Variants in CLUH observed in about 807,000 individuals in gnomAD.
CLUH encodes CLUH binding protein of NUMT mRNA, also known as clustered mitochondria protein homolog.
A neutral mutation model predicts 139.3 loss-of-function variants in CLUH; 77 were observed. That is an observed-to-expected ratio of 0.55 (90% CI 0.46 to 0.67). The LOEUF is 0.67. Among genes scored for constraint, CLUH ranks in the 30% least tolerant of loss-of-function variants. The pLI is 0.00. For synonymous variants in CLUH, 999 were observed against 801.6 expected (o/e 1.25, Z -4.16); for missense variants, 1,876 against 1,875.8 (o/e 1.00, Z 0.00).
intron 10 of CLUH, 111 bp from the exon 11 acceptor site, chr17:2,697,053 T>TC (rs2069976978): frequency 2.5e-6 from 2 of 791,082 alleles, no homozygotes; most frequent in Admixed American, 3.0e-5. Flanking sequence ...ATAGGGCACC[T>TC]CCTGGCCGGT....
At position 2,692,016 on chromosome 17, in the gene CLUH, G is replaced by T; in HGVS notation, c.3642C>A (p.Ile1214=). ...ALQHEKEGYT[I]YKTQLGEDHE... ...CCCCGCCGCGCACCTGCGTCTTGTA[G>T]ATGGTGTAACCCTCCTTCTCGTGCT... is the stretch of plus-strand genomic sequence containing the variant. The change falls in exon 23 of 26, where the codon ATC becomes ATA. Residue 1214 remains isoleucine (I), a synonymous_variant. Transcript: ENST00000651024. The T allele has an allele frequency of 6.4e-7, 1 of 1,560,878 alleles. No homozygotes were observed.
intron 25 of CLUH, 70 bp from the exon 26 acceptor site, chr17:2,690,847 T>C: frequency 7.9e-7 from 1 of 1,260,122 alleles, no homozygotes; most frequent in Non-Finnish European, 1.1e-6. Flanking sequence ...CTCCCGGCTT[T>C]CCTGTGGGAT....
rs772361040 is a variant in CLUH at position 2,707,006 on chromosome 17, G to A, written c.101-2442C>T. ...TCAGGGGGTACCTATTCCCTATCCC[G>A]TTTCAAAGGAATGCAGCTGGCTCCC... On this transcript the variant is annotated intron_variant, in intron 1 of 25. Transcript: ENST00000651024. This position sits in a 1 kb window ranked among gnomAD's most constrained non-coding sequence, Gnocchi z 7.4. Among the ~76,000 whole-genome samples, 6 of 152,258 alleles carry A rather than the reference G, an allele frequency of 3.9e-5. No individual in the cohort carries two copies. The East Asian group carries it at 5.8e-4, about 15-fold the overall frequency.
chr17:2,691,785 G>A lies in CLUH; in HGVS notation c.3765C>T (p.Ser1255=), dbSNP rs754728852. ...RTMNEIYRNG[S]SANIPPLKFT... is the part of the protein sequence containing the mutation. ...CCTTGAGGGGCGGGATGTTGGCGCT[G>A]GAGCCGTTGCGGTAGATCTCGTTCA... Residue 1255 remains serine (S), a synonymous_variant, in exon 24 of 26, where the codon TCC becomes TCT. Transcript: ENST00000651024. 2.5e-6 allele frequency: 4 copies of A among 1,592,198 alleles called. No homozygotes were observed. The highest frequency in any genetic ancestry group is 4.6e-5 in the East Asian group (2 of 43,764).
rs1341014713 is a variant in CLUH at position 2,691,764 on chromosome 17, G to C, written c.3786C>G (p.Leu1262=). The C allele has an allele frequency of 6.3e-7, 1 of 1,596,108 alleles. No individual in the cohort carries two copies. ...RNGSSANIPP[L]KFTAPSMASV... ...GGCCGCTCCGCCCCGGACTCACCTT[G>C]AGGGGCGGGATGTTGGCGCTGGAGC... Residue 1262 remains leucine (L), a synonymous_variant, in exon 24 of 26, where the codon CTC becomes CTG. Transcript: ENST00000651024.
In CLUH at chr17:2,703,517, G is replaced by T; in HGVS notation, c.304-28C>A. On this transcript the variant is annotated intron_variant, in intron 2 of 25. Coordinates refer to ENST00000651024, the MANE Select transcript of CLUH (RefSeq NM_001366661.1). The surrounding 1 kb of genome is among the most constrained non-coding windows in gnomAD (Gnocchi z 4.2). Reference sequence around the variant, plus strand: ...GCAGGGAGAAGGCCCCGCCCACCCCGGTGAGAGAGCACGTAGCGGGGAGAG... The same window carrying T: ...GCAGGGAGAAGGCCCCGCCCACCCCTGTGAGAGAGCACGTAGCGGGGAGAG... The T allele has an allele frequency of 6.2e-7, 1 of 1,605,968 alleles. No homozygotes were observed. The highest frequency in any genetic ancestry group is 8.5e-7 in the Non-Finnish European group (1 of 1,175,146).
rs752468480 is a variant in CLUH at position 2,707,706 on chromosome 17, C to T, written c.101-3142G>A. On this transcript the variant is annotated intron_variant, in intron 1 of 25. Transcript: ENST00000651024. This position sits in a 1 kb window ranked among gnomAD's most constrained non-coding sequence, Gnocchi z 7.4. ...GAACAGGACCGCTTCTGCCAGCTGC[C>T]GCCAACAGCTGGCACAGACCCGGGT... 1.4e-5 allele frequency: 14 copies of T among 985,404 alleles called. No homozygotes were observed. Among genetic ancestry groups the T allele is most frequent in the African/African-American group, 7.0e-5 (4 of 57,348 alleles). The allele number at this position is 985,404 out of a possible 1,614,324, so 61.0% of individuals were successfully genotyped here. A position where few individuals can be genotyped will look rare whatever the true frequency, so the allele number is the denominator to read the frequency against.
At chr17:2,693,577 G>A (rs1449835560) in intron 19 of CLUH, among the ~76,000 whole-genome samples, 1 of 151,406 alleles carries the variant, frequency 6.6e-6, no homozygotes, top group Non-Finnish European at 1.5e-5. Flanking sequence ...GAACCCCACA[G>A]CCTGCACTGG....
chr17:2,699,863 C>T (rs924620746), intron 9 of CLUH, among the ~76,000 whole-genome samples: 1 of 152,194 alleles, frequency 6.6e-6, no homozygotes, highest in South Asian at 2.1e-4. Context: ...AACTCCTGAC[C>T]TTGTGATCCG....
chr17:2,692,550 C>A (rs779053743), intron 21 of CLUH, 21 bp downstream of exon 21: 13 of 1,593,268 alleles, frequency 8.2e-6, no homozygotes, highest in African/African-American at 4.5e-5. Flanking sequence ...GTCCCTGCCG[C>A]CCCCCCGCCC....
intron 9 of CLUH, among the ~76,000 whole-genome samples, chr17:2,699,179 C>T (rs78144142): frequency 9.3e-6 from 1 of 107,042 alleles, no homozygotes; most frequent in African/African-American, 3.8e-5. Context: ...TGAACTTGAA[C>T]AGATAAAGGT....
At chr17:2,708,616 T>A (rs1295147604) in intron 1 of CLUH, among the ~76,000 whole-genome samples, 2 of 147,886 alleles carry the variant, frequency 1.4e-5, no homozygotes, top group Non-Finnish European at 3.0e-5. Flanking sequence ...GGATTAAGTT[T>A]AAAAAAAAAA....
intron 25 of CLUH, 45 bp downstream of exon 25, chr17:2,691,564 A>G (rs757694756): frequency 6.3e-7 from 1 of 1,586,466 alleles, no homozygotes; most frequent in Non-Finnish European, 8.6e-7. Context: ...CCGACTCACA[A>G]AAAACCCCCA....
At chr17:2,697,028 C>T in intron 10 of CLUH, 86 bp from the exon 11 acceptor site, 1 of 1,046,300 alleles carries the variant, frequency 9.6e-7, no homozygotes, top group Admixed American at 2.8e-5. Flanking sequence ...AGCTGGGGCT[C>T]CACACCCCGC....
intron 16 of CLUH, 92 bp from the exon 17 acceptor site, chr17:2,694,656 G>A: frequency 2.2e-6 from 3 of 1,383,194 alleles, no homozygotes; most frequent in South Asian, 2.6e-5. Context: ...TCCAGCCCGG[G>A]CCCCCAACAC....
rs756810311 is a variant in CLUH at position 2,695,106 on chromosome 17, G to A, written c.2608-5C>T. ...GAGGCCGGAGAGCTCGACTCCCTGCGAGGCAGGTTGGATCCGAGTCATGAG... is the reference window on the plus strand; with the variant it reads ...GAGGCCGGAGAGCTCGACTCCCTGCAAGGCAGGTTGGATCCGAGTCATGAG... On this transcript the variant is annotated splice_polypyrimidine_tract_variant and splice_region_variant and intron_variant, in intron 15 of 25. Coordinates refer to ENST00000651024, the MANE Select transcript of CLUH (RefSeq NM_001366661.1). 1.1e-5 allele frequency: 17 copies of A among 1,612,072 alleles called. No homozygotes were observed. In the Admixed American group the frequency reaches 1.2e-4, roughly 11 times the overall value.
At chr17:2,699,871 C>T (rs1388033433) in intron 9 of CLUH, among the ~76,000 whole-genome samples, 1 of 152,192 alleles carries the variant, frequency 6.6e-6, no homozygotes, top group African/African-American at 2.4e-5. Context: ...ACCTTGTGAT[C>T]CGCCCGCCTC....
intron 11 of CLUH, 42 bp downstream of exon 11, chr17:2,696,677 G>A (rs1202453123): frequency 1.9e-6 from 3 of 1,602,336 alleles, no homozygotes; most frequent in African/African-American, 2.7e-5. Flanking sequence ...ACCCTGGCAG[G>A]GCCAGCCCGG....
At chr17:2,699,789 A>T (rs573526078) in intron 9 of CLUH, among the ~76,000 whole-genome samples, 1 of 151,610 alleles carries the variant, frequency 6.6e-6, no homozygotes, top group African/African-American at 2.4e-5. Flanking sequence ...GCGCCACCAC[A>T]CCCAGCTAAT....
Sources: gnomAD v4.1 joint callset for allele counts (sites outside exome capture counted in the v4.1 genomes callset) on GRCh38, gnomAD v4.1.1 for gene constraint, Gnocchi (gnomAD v3.1) non-coding constraint, MANE v1.5 for transcripts, NCBI Gene and HGNC (gene_info 2026-07-23, HGNC 2026-07-21) for gene names.